RIGI: variants seen among roughly 807,000 people sequenced by gnomAD.
The protein encoded by RIGI is antiviral innate immune response receptor RIG-I.
chr9:32,498,388 ATC>A, the RIGI span: 2 of 456,206 alleles, frequency 4.4e-6, no homozygotes, highest in Admixed American at 4.7e-5. Flanking sequence ...TTCAGCATAA[ATC>A]TCTGTTTTAC....
the RIGI span, among the ~76,000 whole-genome samples, chr9:32,501,280 C>A: frequency 2.4e-5 from 3 of 126,332 alleles, no homozygotes; most frequent in African/African-American, 9.0e-5. Flanking sequence ...CTCAGCCTCT[C>A]AAAGTACTGG....
At chr9:32,481,502 T>TTA in the RIGI span, 3 of 1,348,118 alleles carry the variant, frequency 2.2e-6, no homozygotes, top group East Asian at 5.2e-5. Context: ...AGTTTTCTGT[T>TTA]AAAAAAAAAA....
the RIGI span, among the ~76,000 whole-genome samples, chr9:32,520,451 C>T: frequency 2.1e-4 from 32 of 152,114 alleles, no homozygotes; most frequent in East Asian, 5.8e-3. Flanking sequence ...ACTCCTGGAT[C>T]CAAAAAAGAC....
the RIGI span, among the ~76,000 whole-genome samples, chr9:32,475,250 C>A: frequency 6.6e-6 from 1 of 152,234 alleles, no homozygotes; most frequent in East Asian, 1.9e-4. Context: ...CCATGCCCAG[C>A]CTCAGTTTTG....
the RIGI span, chr9:32,457,468 T>C: frequency 2.2e-6 from 3 of 1,378,126 alleles, no homozygotes; most frequent in Non-Finnish European, 2.9e-6. Context: ...TTAGAACCAG[T>C]ACATAATTGT....
At chr9:32,485,665 C>G in the RIGI span, 1 of 380,290 alleles carries the variant, frequency 2.6e-6, no homozygotes, top group Non-Finnish European at 5.0e-6. Context: ...CTCAGCCTCC[C>G]AAGTAGCTGG....
At chr9:32,515,769 C>A in the RIGI span, among the ~76,000 whole-genome samples, 1 of 152,174 alleles carries the variant, frequency 6.6e-6, no homozygotes, top group African/African-American at 2.4e-5. Context: ...GTCAATAATG[C>A]CAAAGTAAGG....
chr9:32,489,141 AAAATACATT>A, the RIGI span, among the ~76,000 whole-genome samples: 1 of 152,216 alleles, frequency 6.6e-6, no homozygotes, highest in Non-Finnish European at 1.5e-5. Flanking sequence ...AAAGGTAAAG[AAAATACATT>A]AAATACATTA....
the RIGI span, among the ~76,000 whole-genome samples, chr9:32,506,155 T>C: frequency 1.3e-5 from 2 of 152,252 alleles, no homozygotes; most frequent in African/African-American, 4.8e-5. Flanking sequence ...GAGGTGGAGA[T>C]TGCAGTGAGC....
the RIGI span, chr9:32,467,710 TA>T: frequency 6.7e-7 from 1 of 1,496,840 alleles, no homozygotes; most frequent in Non-Finnish European, 9.0e-7. Flanking sequence ...CATACACTTA[TA>T]AATCAGTCAA....
chr9:32,461,714 G>A, the RIGI span, among the ~76,000 whole-genome samples: 1 of 151,986 alleles, frequency 6.6e-6, no homozygotes, highest in African/African-American at 2.4e-5. Flanking sequence ...TTAATGGGGT[G>A]GCTTGTAGTT....
chr9:32,509,080 A>C, the RIGI span, among the ~76,000 whole-genome samples: 1 of 152,286 alleles, frequency 6.6e-6, no homozygotes, highest in East Asian at 1.9e-4. Context: ...GCATCTCTGA[A>C]AAAAAGCCAG....
the RIGI span, among the ~76,000 whole-genome samples, chr9:32,508,239 A>ATTTTTTTTTTTTTTTTTTTTTGTTTTTT: frequency 1.4e-5 from 1 of 70,336 alleles, no homozygotes; most frequent in Non-Finnish European, 2.6e-5. Flanking sequence ...TATTTACTTA[A>ATTTTTTTTTTTTTTTTTTTTTGTTTTTT]TTTTTTTTTT....
At chr9:32,504,024 A>G in the RIGI span, among the ~76,000 whole-genome samples, 1 of 72,608 alleles carries the variant, frequency 1.4e-5, no homozygotes, top group Non-Finnish European at 3.3e-5. Flanking sequence ...CCTGGGTAAT[A>G]GAGCAAGACT....
the RIGI span, among the ~76,000 whole-genome samples, chr9:32,518,639 A>G: frequency 6.6e-6 from 1 of 152,228 alleles, no homozygotes; most frequent in African/African-American, 2.4e-5. Flanking sequence ...TGAAAGTAAA[A>G]TAAGAAATAT....
At chr9:32,520,641 C>T in the RIGI span, among the ~76,000 whole-genome samples, 1 of 152,172 alleles carries the variant, frequency 6.6e-6, no homozygotes, top group Non-Finnish European at 1.5e-5. Context: ...CTTGTAAGGG[C>T]TGATTTTGAG....
chr9:32,489,021 A>G, the RIGI span: 2 of 806,672 alleles, frequency 2.5e-6, no homozygotes, highest in Admixed American at 3.5e-5. Context: ...GTTAATGATT[A>G]CAGAATTTAC....
At chr9:32,482,136 T>G in the RIGI span, among the ~76,000 whole-genome samples, 2 of 152,098 alleles carry the variant, frequency 1.3e-5, no homozygotes, top group South Asian at 4.2e-4. Context: ...TCTCCCTACC[T>G]CTTGCCTTGT....
At chr9:32,472,229 A>G in the RIGI span, among the ~76,000 whole-genome samples, 1 of 152,158 alleles carries the variant, frequency 6.6e-6, no homozygotes. Context: ...GAAATAGAAC[A>G]TTTCTATTTC....
Sources: gnomAD v4.1 joint callset for allele counts (sites outside exome capture counted in the v4.1 genomes callset) on GRCh38, gnomAD v4.1.1 for gene constraint, MANE v1.5 for transcripts, NCBI Gene and HGNC (gene_info 2026-07-23, HGNC 2026-07-21) for gene names.